PCNX2: variants seen among roughly 807,000 people sequenced by gnomAD.
PCNX2 encodes pecanex-like protein 2.
PCNX2 carries 168 observed loss-of-function variants against 223.8 expected under a neutral mutation model. The ratio of observed to expected loss-of-function variants is 0.75; its 90% CI spans 0.66 to 0.85. PCNX2 has a LOEUF of 0.85. Ranked by LOEUF, PCNX2 falls within the 40% of genes least tolerant of loss-of-function variation. The pLI, the probability that PCNX2 is intolerant of heterozygous loss-of-function variation, is 0.00. For missense variants in PCNX2, 2,507 were observed against 2,675.5 expected (o/e 0.94, Z 1.39); for synonymous variants, 1,006 against 1,052.6 (o/e 0.96, Z 0.86).
chr1:233,248,310 GT>G (rs1222561763), intron 8 of PCNX2, among the ~76,000 whole-genome samples: 1 of 152,046 alleles, frequency 6.6e-6, no homozygotes, highest in African/African-American at 2.4e-5. Flanking sequence ...CCAGCTGTGT[GT>G]GTGTACGTAA....
At chr1:233,067,434 AAAG>A (rs372081846) in intron 23 of PCNX2, among the ~76,000 whole-genome samples, 9 of 150,082 alleles carry the variant, frequency 6.0e-5, no homozygotes, top group African/African-American at 1.7e-4. Context: ...TAGAATAAAT[AAAG>A]AAGAATCAAA....
intron 10 of PCNX2, among the ~76,000 whole-genome samples, chr1:233,222,559 C>T (rs1395773983): frequency 6.6e-6 from 1 of 151,902 alleles, no homozygotes; most frequent in Non-Finnish European, 1.5e-5. Context: ...AAATACTATA[C>T]AAAGAGAATG....
intron 15 of PCNX2, among the ~76,000 whole-genome samples, chr1:233,194,796 C>A (rs1572054493): frequency 6.6e-6 from 1 of 152,032 alleles, no homozygotes; most frequent in Non-Finnish European, 1.5e-5. Flanking sequence ...GCAGGCGGAT[C>A]ACGAGGTCAG....
intron 23 of PCNX2, among the ~76,000 whole-genome samples, chr1:233,086,589 T>C (rs373270766): frequency 3.4e-4 from 51 of 151,974 alleles, no homozygotes; most frequent in African/African-American, 1.2e-3. Context: ...GAGAATGGCG[T>C]GAACCTGGGA....
chr1:233,037,450 C>T (rs1671494232), intron 25 of PCNX2, among the ~76,000 whole-genome samples: 1 of 152,160 alleles, frequency 6.6e-6, no homozygotes. Flanking sequence ...CCCACCTCAG[C>T]CTCTGGAGTA....
At chr1:233,215,944 T>G (rs187627796) in intron 12 of PCNX2, among the ~76,000 whole-genome samples, 1 of 152,212 alleles carries the variant, frequency 6.6e-6, no homozygotes, top group Admixed American at 6.5e-5. Flanking sequence ...AAGATAGCAA[T>G]GTATGCCATG....
chr1:233,234,845 C>T (rs1161742587), intron 9 of PCNX2, among the ~76,000 whole-genome samples: 2 of 152,176 alleles, frequency 1.3e-5, no homozygotes, highest in Admixed American at 6.5e-5. Flanking sequence ...AGCCCGTATT[C>T]CACAGGGCCC....
At chr1:233,234,309 T>A (rs1260707065) in intron 9 of PCNX2, among the ~76,000 whole-genome samples, 1 of 152,226 alleles carries the variant, frequency 6.6e-6, no homozygotes, top group Non-Finnish European at 1.5e-5. Context: ...ATTTTCCCAG[T>A]ATGAGACTTT....
chr1:233,190,517 T>A (rs561320763), intron 15 of PCNX2, among the ~76,000 whole-genome samples: 23 of 152,340 alleles, frequency 1.5e-4, no homozygotes, highest in Non-Finnish European at 3.1e-4. Flanking sequence ...TGCTTCAAAA[T>A]ACGGTTAGAA....
At chr1:233,278,196 T>G (rs576268507) in intron 1 of PCNX2, among the ~76,000 whole-genome samples, 1 of 152,310 alleles carries the variant, frequency 6.6e-6, no homozygotes, top group South Asian at 2.1e-4. Context: ...GGCCCTTTCT[T>G]GGCTGCAGCA....
chr1:233,044,815 C>T (rs1157016656), intron 25 of PCNX2, among the ~76,000 whole-genome samples: 1 of 151,952 alleles, frequency 6.6e-6, no homozygotes, highest in South Asian at 2.1e-4. Context: ...ATTACAGGTG[C>T]ATGCCACCAC....
chr1:233,224,193 T>C (rs1456717125), intron 10 of PCNX2, among the ~76,000 whole-genome samples: 1 of 152,252 alleles, frequency 6.6e-6, no homozygotes, highest in East Asian at 1.9e-4. Context: ...TTATTTCAGA[T>C]GCTGACCTGA....
rs1269608789 is a variant in PCNX2, at chr1:232,990,333, T to C, written c.5792-3793A>G. On this transcript the variant is annotated intron_variant, in intron 32 of 33. Transcript: ENST00000258229. This position sits in a 1 kb window ranked among gnomAD's most constrained non-coding sequence, Gnocchi z 4.3. ...CTCAGGTGCAGTGTCTTGAGGGGAA[T>C]GAAAGCTCTGTGCTCCCGGTCGCAG... Among the ~76,000 whole-genome samples the C allele has an allele frequency of 6.6e-6, 1 of 152,180 alleles. No individual in the cohort carries two copies. The highest frequency in any genetic ancestry group is 1.5e-5 in the Non-Finnish European group (1 of 68,026).
chr1:233,147,543 AG>A (rs1677532973), intron 19 of PCNX2, among the ~76,000 whole-genome samples: 1 of 151,840 alleles, frequency 6.6e-6, no homozygotes, highest in African/African-American at 2.4e-5. Context: ...GTGGAAGGGA[AG>A]GCAGGAGAGA....
rs773237434 is a variant in PCNX2, at chr1:233,258,443, C to T, written c.1419G>A (p.Gly473=). 3 of 1,613,946 alleles carry T rather than the reference C, an allele frequency of 1.9e-6. No homozygotes were observed. The highest frequency in any genetic ancestry group is 1.7e-5 in the Admixed American group (1 of 60,024). ...STNQCSGYGS[G]EGGNAIKDHS... is the part of the protein sequence containing the mutation. ...GATCCTTGATGGCATTTCCCCCCTC[C>T]CCAGATCCGTAGCCAGAACACTGAT... Residue 473 remains glycine, a synonymous_variant, in exon 5 of 34, where the codon GGG becomes GGA. Transcript: ENST00000258229.
intron 23 of PCNX2, among the ~76,000 whole-genome samples, chr1:233,069,788 G>A (rs1321686199): frequency 6.6e-6 from 1 of 151,820 alleles, no homozygotes; most frequent in Non-Finnish European, 1.5e-5. Context: ...ACATTAAAAA[G>A]GTATCAAATT....
chr1:233,297,837 A>G (rs1558439418), upstream of PCNX2, among the ~76,000 whole-genome samples: 1 of 152,206 alleles, frequency 6.6e-6, no homozygotes, highest in East Asian at 1.9e-4. Flanking sequence ...GAACACCTGA[A>G]CCAGCAGGAA....
chr1:233,094,922 TA>T, intron 22 of PCNX2, among the ~76,000 whole-genome samples: 1 of 152,310 alleles, frequency 6.6e-6, no homozygotes, highest in East Asian at 1.9e-4. Flanking sequence ...CTTAGTTAAT[TA>T]GTTCCTCCAG....
intron 15 of PCNX2, among the ~76,000 whole-genome samples, chr1:233,191,435 G>C (rs1680412485): frequency 6.6e-6 from 1 of 152,184 alleles, no homozygotes; most frequent in Non-Finnish European, 1.5e-5. Context: ...AAAGGGTAAA[G>C]TGTGGGGTCC....
Sources: allele counts gnomAD v4.1 joint callset (sites outside exome capture counted in the v4.1 genomes callset), GRCh38; gene constraint gnomAD v4.1.1; non-coding constraint Gnocchi (gnomAD v3.1); transcripts MANE v1.5; gene names NCBI Gene and HGNC (gene_info 2026-07-23, HGNC 2026-07-21).